NOTCH1: variants seen among roughly 807,000 people sequenced by gnomAD.
NOTCH1 encodes the protein neurogenic locus notch homolog protein 1.
NOTCH1 carries 37 observed loss-of-function variants against 254.8 expected under a neutral mutation model. The ratio of observed to expected loss-of-function variants is 0.15; its 90% CI spans 0.11 to 0.19. The LOEUF (loss-of-function observed/expected upper bound fraction) is 0.19, where lower values mean the gene tolerates loss of function less well. Ranked by LOEUF, NOTCH1 falls within the 10% of genes least tolerant of loss-of-function variation. The pLI, the probability that NOTCH1 is intolerant of heterozygous loss-of-function variation, is 1.00. For missense variants in NOTCH1, 2,972 were observed against 3,708.6 expected (o/e 0.80, Z 5.16); for synonymous variants, 1,731 against 1,618.1 (o/e 1.07, Z -1.68).
At chr9:136,512,986 C>T (rs749533495) in intron 15 of NOTCH1, 35 bp downstream of exon 15, 6 of 817,416 alleles carry the variant, frequency 7.3e-6, no homozygotes, top group South Asian at 2.9e-5. Flanking sequence ...ACATAGGCCC[C>T]GCCCCCTCCA....
chr9:136,538,433 GAGGGGA>G (rs1843686376), intron 2 of NOTCH1, among the ~76,000 whole-genome samples: 2 of 152,256 alleles, frequency 1.3e-5, no homozygotes, highest in South Asian at 4.1e-4. Flanking sequence ...GAGGCCCAGG[GAGGGGA>G]CAGTGTGGGG....
At chr9:136,512,060 C>G (rs1475766144) in intron 15 of NOTCH1, among the ~76,000 whole-genome samples, 1 of 152,270 alleles carries the variant, frequency 6.6e-6, no homozygotes, top group East Asian at 1.9e-4. Flanking sequence ...CAGGCAGGAA[C>G]TGCGCCAGAG....
Position 136,507,111 on chromosome 9 carries a change from G to GGA in NOTCH1, c.3644-140_3644-139dup, listed in dbSNP as rs912229252. The GGA allele has an allele frequency of 4.1e-6, 6 of 1,458,932 alleles. No individual in the cohort carries two copies. The African/African-American group carries it at 8.4e-5, about 20-fold the overall frequency. The allele number at this position is 1,458,932 out of a possible 1,614,324, so 90.4% of individuals were successfully genotyped here. A position where few individuals can be genotyped will look rare whatever the true frequency, so the allele number is the denominator to read the frequency against. The stretch of plus-strand genomic sequence containing the variant: ...GAGAGGCAGGTGTCAAGGGTGCCGT[G>GGA]GAGACGCCCTTCCCACTGGGACCCC... On this transcript the variant is annotated intron_variant, in intron 22 of 33. Coordinates refer to ENST00000651671, the MANE Select transcript of NOTCH1 (RefSeq NM_017617.5).
chr9:136,530,804 C>A (rs1456295075), intron 2 of NOTCH1, among the ~76,000 whole-genome samples: 1 of 152,244 alleles, frequency 6.6e-6, no homozygotes. Context: ...GAAGACCCAG[C>A]CCAGCCCTGC....
intron 2 of NOTCH1, among the ~76,000 whole-genome samples, chr9:136,542,412 T>C (rs1589083325): frequency 6.6e-6 from 1 of 151,968 alleles, no homozygotes; most frequent in East Asian, 1.9e-4. Flanking sequence ...ACGGCATTAA[T>C]CCGCCTCCCC....
intron 18 of NOTCH1, 37 bp from the exon 19 acceptor site, chr9:136,509,108 G>A (rs1004253448): frequency 9.9e-6 from 15 of 1,518,466 alleles, no homozygotes; most frequent in African/African-American, 2.8e-5. Flanking sequence ...TGAGTGGAGG[G>A]CATTGGTGGG....
chr9:136,513,007 C>T lies in NOTCH1; in HGVS notation c.2467+14G>A. Reference sequence around the variant, plus strand: ...GCCCCGCCCCCTCCAGCACAGGCCCCACCCACCCCTCACCTGTGTAGGGCA... The same window carrying T: ...GCCCCGCCCCCTCCAGCACAGGCCCTACCCACCCCTCACCTGTGTAGGGCA... On this transcript the variant is annotated intron_variant, in intron 15 of 33. Transcript: ENST00000651671. This position sits in a 1 kb window ranked among gnomAD's most constrained non-coding sequence, Gnocchi z 4.7. 1.3e-6 allele frequency: 2 copies of T among 1,492,094 alleles called. No individual in the cohort carries two copies. The highest frequency in any genetic ancestry group is 1.4e-5 in the African/African-American group (1 of 72,216). 92.4% of individuals were successfully genotyped at this position (1,492,094 alleles called of 1,614,324 possible).
rs1302031768 is a variant in NOTCH1 at position 136,497,419 on chromosome 9, T to C, written c.6320A>G (p.His2107Arg). Reference sequence around the variant, plus strand: ...CTCGTCCAGCAGCCTCACGATGTCGTGATGCATGCGCTCCTGTGCGATGTC... The same window carrying C: ...CTCGTCCAGCAGCCTCACGATGTCGCGATGCATGCGCTCCTGTGCGATGTC... ...PRDIAQERMH[H>R]DIVRLLDEYN... Residue 2107 changes from histidine to arginine, a missense_variant, in exon 34 of 34, where the codon CAC becomes CGC. Physicochemically the swap from His to Arg is conservative, Grantham distance 29. Coordinates refer to ENST00000651671, the MANE Select transcript of NOTCH1 (RefSeq NM_017617.5). The C allele has an allele frequency of 6.2e-7, 1 of 1,611,814 alleles. No homozygotes were observed. The highest frequency in any genetic ancestry group is 8.5e-7 in the Non-Finnish European group (1 of 1,179,892).
chr9:136,528,800 C>T (rs1843514843), intron 2 of NOTCH1, among the ~76,000 whole-genome samples: 1 of 152,100 alleles, frequency 6.6e-6, no homozygotes, highest in South Asian at 2.1e-4. Context: ...CCAAGGGTCC[C>T]CTGGCAGCAG....
rs2133344309 is a variant in NOTCH1, at chr9:136,506,957, G to A, written c.3660C>T (p.Ile1220=). 2 of 1,608,512 alleles carry A rather than the reference G, an allele frequency of 1.2e-6. No individual in the cohort carries two copies. Among genetic ancestry groups the A allele is most frequent in the Non-Finnish European group, 1.7e-6 (2 of 1,178,408 alleles). The change falls in exon 23 of 34, where the codon ATC becomes ATT. Residue 1220 remains isoleucine (I), a synonymous_variant. Transcript: ENST00000651671. This position sits in a 1 kb window ranked among gnomAD's most constrained non-coding sequence, Gnocchi z 4.5. ...PRGTQGVHCE[I]NVDDCNPPVD... Reference sequence around the variant, plus strand: ...CGGGGGGATTGCAGTCGTCCACGTTGATCTCACAGTGCACACCTGCGGGGC... The same window carrying A: ...CGGGGGGATTGCAGTCGTCCACGTTAATCTCACAGTGCACACCTGCGGGGC...
At position 136,497,467 on chromosome 9, in the gene NOTCH1, T is replaced by C; in HGVS notation, c.6272A>G (p.Asp2091Gly). Residue 2091 changes from aspartate (D) to glycine (G), a missense_variant, in exon 34 of 34, where the codon GAT becomes GGT. Physicochemically the swap from Asp to Gly is moderately conservative, Grantham distance 94. Transcript: ENST00000651671. ...LDHFANRDITDHMDRLPRDIA... is the reference protein window; with the variant it reads ...LDHFANRDITGHMDRLPRDIA... The stretch of plus-strand genomic sequence containing the variant: ...GTCGCGCGGCAGGCGGTCCATATGA[T>C]CCGTGATGTCCCGGTTGGCAAAGTG... 1 of 1,612,378 alleles carries C rather than the reference T, an allele frequency of 6.2e-7. No individual in the cohort carries two copies. Among genetic ancestry groups the C allele is most frequent in the Non-Finnish European group, 8.5e-7 (1 of 1,179,902 alleles).
In NOTCH1 at chr9:136,504,910, C is replaced by T. The variant is rs1326257346; in HGVS notation, c.4781G>A (p.Arg1594Gln). The T allele has an allele frequency of 3.2e-6, 5 of 1,587,046 alleles. No individual in the cohort carries two copies. The highest frequency in any genetic ancestry group is 4.3e-6 in the Non-Finnish European group (5 of 1,167,492). The change falls in exon 26 of 34, where the codon CGG becomes CAG. Residue 1594 changes from arginine (R) to glutamine (Q), a missense_variant. Physicochemically the swap from Arg to Gln is conservative, Grantham distance 43 (BLOSUM62 1). This residue lies in a region of NOTCH1 where 1,343 missense variants were observed against 1,557.0 expected (regional missense o/e 0.86). Coordinates refer to ENST00000651671, the MANE Select transcript of NOTCH1 (RefSeq NM_017617.5). Reference sequence around the variant, plus strand: ...GGTGTGCAGCACGCGGCTGAGCTCCCGCAGGAAGTGGAAGGAGCTGTTGCG... The same window carrying T: ...GGTGTGCAGCACGCGGCTGAGCTCCTGCAGGAAGTGGAAGGAGCTGTTGCG... ...QLRNSSFHFL[R>Q]ELSRVLHTNV...
rs756395252 is a variant in NOTCH1, at chr9:136,502,955, C to A, written c.5167+227G>T. The stretch of plus-strand genomic sequence containing the variant: ...GGGTGGGGAGAGAAGCAGGCACCCA[C>A]TTTCCCGTGGCTGGACTCGTTCCCA... On this transcript the variant is annotated intron_variant, in intron 27 of 33. Transcript: ENST00000651671. The A allele has an allele frequency of 2.3e-5, 16 of 704,814 alleles. No homozygotes were observed. In the East Asian group the frequency reaches 4.1e-4, roughly 18 times the overall value. 43.7% of individuals were successfully genotyped at this position (704,814 alleles called of 1,614,324 possible).
intron 2 of NOTCH1, among the ~76,000 whole-genome samples, chr9:136,533,072 C>CGTGAACATGAAA (rs367666292): frequency 3.4e-5 from 4 of 116,434 alleles, no homozygotes; most frequent in South Asian, 3.8e-4. Context: ...CGGCCTGAGC[C>CGTGAACATGAAA]CCGCCACCAT....
Position 136,515,494 on chromosome 9 carries a change from T to C in NOTCH1, c.1892A>G (p.Lys631Arg), listed in dbSNP as rs1286621388. Residue 631 changes from lysine to arginine, a missense_variant, in exon 11 of 34, where the codon AAG becomes AGG. This residue lies in a region of NOTCH1 where 1,343 missense variants were observed against 1,557.0 expected (regional missense o/e 0.86). Transcript: ENST00000651671. ...RDNAYLCFCL[K>R]GTTGPNCEIN... ...GCCTGGCCGGCCACCTGTGGTCCCC[T>C]TCAGGCAGAAGCAGAGGTAGGCGTT... 1.9e-6 allele frequency: 3 copies of C among 1,611,926 alleles called. No individual in the cohort carries two copies. Among genetic ancestry groups the C allele is most frequent in the South Asian group, 2.2e-5 (2 of 91,072 alleles).
intron 15 of NOTCH1, 95 bp from the exon 16 acceptor site, chr9:136,511,366 C>CG: frequency 6.8e-7 from 1 of 1,467,202 alleles, no homozygotes; most frequent in African/African-American, 1.4e-5. Flanking sequence ...ATCAGAGTGC[C>CG]GTCTGCTGGT....
At position 136,518,683 on chromosome 9, in the gene NOTCH1, A is replaced by G. The variant is rs753734433; in HGVS notation, c.1007T>C (p.Ile336Thr). 13 of 1,612,608 alleles carry G rather than the reference A, an allele frequency of 8.1e-6. No homozygotes were observed. The highest frequency in any genetic ancestry group is 2.7e-5 in the African/African-American group (2 of 74,918). Reference sequence around the variant, plus strand: ...GCAGGCGGCGCTGGCACAGTCATCAATGTTCTCGCTGCAGTCCTCACCAGT... The same window carrying G: ...GCAGGCGGCGCTGGCACAGTCATCAGTGTTCTCGCTGCAGTCCTCACCAGT... ...GWTGEDCSEN[I>T]DDCASAACFH... The change falls in exon 6 of 34, where the codon ATT becomes ACT. Residue 336 changes from isoleucine (I) to threonine (T), a missense_variant. Physicochemically the swap from Ile to Thr is moderately conservative, Grantham distance 89. Transcript: ENST00000651671.
rs376689092 is a variant in NOTCH1, at chr9:136,501,826, G to C, written c.5560C>G (p.Arg1854Gly). 6.2e-7 allele frequency: 1 copy of C among 1,612,730 alleles called. No individual in the cohort carries two copies. The highest frequency in any genetic ancestry group is 1.1e-5 in the South Asian group (1 of 91,076). ...TQQHLDAADL[R>G]MSAMAPTPPQ... ...GGTGTGGGGGCCATGGCAGACATGC[G>C]CAGGTCAGCGGCATCCAGGTGCTGC... Residue 1854 changes from arginine to glycine, a missense_variant, in exon 30 of 34, where the codon CGC becomes GGC. Coordinates refer to ENST00000651671, the MANE Select transcript of NOTCH1 (RefSeq NM_017617.5).
intron 17 of NOTCH1, 101 bp from the exon 18 acceptor site, chr9:136,510,062 G>T: frequency 8.5e-7 from 1 of 1,170,962 alleles, no homozygotes; most frequent in Non-Finnish European, 1.2e-6. Context: ...CCAGCCTTTC[G>T]TTGCCGAGGC....
Sources: gnomAD v4.1 joint callset for allele counts (sites outside exome capture counted in the v4.1 genomes callset) on GRCh38, gnomAD v4.1.1 for gene constraint, gnomAD v4.1.1 regional missense constraint, Gnocchi (gnomAD v3.1) non-coding constraint, MANE v1.5 for transcripts, NCBI Gene and HGNC (gene_info 2026-07-23, HGNC 2026-07-21) for gene names.